IRGM: variants seen among roughly 807,000 people sequenced by gnomAD.
IRGM encodes the protein immunity related GTPase M, also known as immunity-related GTPase family M protein.
For synonymous variants in IRGM, 98 were observed against 80.6 expected (o/e 1.22, Z -1.16); for missense variants, 288 against 219.9 (o/e 1.31, Z -1.96).
At chr5:150,895,770 T>C in intron 3 of IRGM, 1 of 1,613,628 alleles carries the variant, frequency 6.2e-7, no homozygotes, top group Non-Finnish European at 8.5e-7. Context: ...ATAGGGTTTT[T>C]CTCCAGTATG....
chr5:150,893,941 TTTAACA>T (rs1380735192), intron 3 of IRGM, among the ~76,000 whole-genome samples: 1 of 152,086 alleles, frequency 6.6e-6, no homozygotes, highest in Non-Finnish European at 1.5e-5. Flanking sequence ...GAGTGATATC[TTTAACA>T]TTGAGTTCCC....
At chr5:150,900,611 G>A (rs920780735) in exon 4 of IRGM, 22 of 151,912 alleles carry the variant, frequency 1.4e-4, no homozygotes, top group East Asian at 1.3e-3. Flanking sequence ...AAAACTATAC[G>A]TAAATCTGCT....
chr5:150,900,721 C>G (rs1316768629), exon 4 of IRGM: 2 of 151,936 alleles, frequency 1.3e-5, no homozygotes, highest in Non-Finnish European at 2.9e-5. Flanking sequence ...TAAATTAAAA[C>G]TTATGTTTAG....
chr5:150,898,597 A>G (rs1754884108), intron 3 of IRGM: 6 of 1,538,252 alleles, frequency 3.9e-6, no homozygotes, highest in Non-Finnish European at 5.3e-6. Flanking sequence ...GATCATTCTC[A>G]TAATTTCTGC....
downstream of IRGM, among the ~76,000 whole-genome samples, chr5:150,850,970 AAAAC>A (rs1431017933): frequency 2.0e-5 from 3 of 152,248 alleles, no homozygotes; most frequent in African/African-American, 7.2e-5. Flanking sequence ...TCAAATTTGA[AAAAC>A]AAAATTCATC....
At position 150,874,654 on chromosome 5, in the gene IRGM, A is replaced by G. The variant is rs184701514; in HGVS notation, c.159-3326A>G. Among the ~76,000 whole-genome samples, 144 of 152,320 alleles carry G rather than the reference A, an allele frequency of 9.5e-4. 1 individual carries two copies. The highest frequency in any genetic ancestry group is 3.3e-3 in the African/African-American group (138 of 41,570). On this transcript the variant is annotated intron_variant and NMD_transcript_variant, in intron 1 of 3. Transcript: ENST00000520549. ...CCAGAACAGGAGAAGGCTCTGCAAC[A>G]GGTCCAGGCTGCTGTGCAAGCTTTT... is the stretch of plus-strand genomic sequence containing the variant.
At chr5:150,871,515 C>T (rs370019862) in intron 1 of IRGM, among the ~76,000 whole-genome samples, 1 of 152,332 alleles carries the variant, frequency 6.6e-6, no homozygotes, top group East Asian at 1.9e-4. Context: ...CTTGCACCCT[C>T]TGCTGCATGA....
At chr5:150,902,116 T>C (rs982698905), downstream of IRGM, among the ~76,000 whole-genome samples, 3 of 152,130 alleles carry the variant, frequency 2.0e-5, no homozygotes, top group African/African-American at 7.2e-5. Flanking sequence ...AGTTAAAAGG[T>C]CTCTCTGTTT....
At chr5:150,887,468 T>C (rs920193807) in intron 3 of IRGM, among the ~76,000 whole-genome samples, 13 of 152,052 alleles carry the variant, frequency 8.5e-5, no homozygotes, top group African/African-American at 3.1e-4. Flanking sequence ...CTATGAATCA[T>C]TGGCATTCTT....
chr5:150,875,357 TG>T (rs1754348579), intron 1 of IRGM, among the ~76,000 whole-genome samples: 1 of 152,144 alleles, frequency 6.6e-6, no homozygotes, highest in Non-Finnish European at 1.5e-5. Context: ...GCACTTTGCG[TG>T]GAAGGAAAAA....
At chr5:150,852,231 T>C (rs1417594767), downstream of IRGM, among the ~76,000 whole-genome samples, 1 of 152,180 alleles carries the variant, frequency 6.6e-6, no homozygotes, top group Non-Finnish European at 1.5e-5. Context: ...CAATCAGCTT[T>C]TGGTGTACTT....
chr5:150,848,570 C>G lies in IRGM; in HGVS notation c.447C>G (p.Asp149Glu). 1.3e-6 allele frequency: 2 copies of G among 1,551,822 alleles called. No individual in the cohort carries two copies. The highest frequency in any genetic ancestry group is 1.7e-6 in the Non-Finnish European group (2 of 1,146,946). The change falls in exon 2 of 2, where the codon GAC becomes GAG. Residue 149 changes from aspartate to glutamate, a missense_variant. Physicochemically the swap from Asp to Glu is conservative, Grantham distance 45. Transcript: ENST00000522154. ...TCTACATTGTCTGGACCAAGCTAGA[C>G]ATGGACCTCAGCACAGGTGCCCTCC... ...KKFYIVWTKL[D>E]MDLSTGALPE...
At chr5:150,887,914 A>T (rs561360628) in intron 3 of IRGM, among the ~76,000 whole-genome samples, 1 of 152,140 alleles carries the variant, frequency 6.6e-6, no homozygotes, top group East Asian at 1.9e-4. Flanking sequence ...AAGCCAGCAT[A>T]ATAACCAGCT....
downstream of IRGM, among the ~76,000 whole-genome samples, chr5:150,852,485 GC>G (rs1753990772): frequency 6.6e-6 from 1 of 151,988 alleles, no homozygotes; most frequent in African/African-American, 2.4e-5. Flanking sequence ...TATAATCAAA[GC>G]CCATTTTAGA....
intron 1 of IRGM, among the ~76,000 whole-genome samples, chr5:150,856,676 C>T (rs1234904514): frequency 6.6e-6 from 1 of 150,596 alleles, no homozygotes; most frequent in Non-Finnish European, 1.5e-5. Flanking sequence ...TGCTATGTTT[C>T]CCAGACTGGT....
downstream of IRGM, among the ~76,000 whole-genome samples, chr5:150,902,240 G>A (rs1462701741): frequency 1.3e-5 from 2 of 152,152 alleles, no homozygotes; most frequent in Admixed American, 1.3e-4. Context: ...CCTTGAACTT[G>A]ACACTAATCC....
At chr5:150,887,214 T>G (rs530995528) in intron 3 of IRGM, among the ~76,000 whole-genome samples, 2 of 149,400 alleles carry the variant, frequency 1.3e-5, no homozygotes, top group Admixed American at 6.7e-5. Context: ...AATACAGGAG[T>G]GGAAGGATGA....
At chr5:150,871,623 T>G (rs928461738) in intron 1 of IRGM, among the ~76,000 whole-genome samples, 14 of 152,352 alleles carry the variant, frequency 9.2e-5, no homozygotes, top group Admixed American at 9.1e-4. Flanking sequence ...TTTTTCCTTA[T>G]GGAAGCCCAA....
At chr5:150,870,641 AT>A (rs1371228704) in intron 1 of IRGM, among the ~76,000 whole-genome samples, 2 of 150,950 alleles carry the variant, frequency 1.3e-5, no homozygotes, top group East Asian at 2.0e-4. Context: ...GGAATATGAG[AT>A]TTTTTTCCTG....
Sources: gnomAD v4.1 joint callset for allele counts (sites outside exome capture counted in the v4.1 genomes callset) on GRCh38, gnomAD v4.1.1 for gene constraint, MANE v1.5 for transcripts, NCBI Gene and HGNC (gene_info 2026-07-23, HGNC 2026-07-21) for gene names.